Variants in CRY1 observed in about 807,000 individuals in gnomAD.
CRY1 encodes the protein cryptochrome circadian regulator 1, also known as cryptochrome-1.
In CRY1, 45 loss-of-function variants were observed where a neutral mutation model predicts 76.0. The observed-to-expected ratio is 0.59, with a 90% confidence interval of 0.47 to 0.76. The LOEUF is 0.76. CRY1 is among the 30% of genes least tolerant of loss of function. The probability of loss-of-function intolerance (pLI) is 0.00; values close to 1 mark genes in which losing one functional copy is unlikely to be tolerated. For synonymous variants in CRY1, 248 were observed against 244.0 expected, an observed-to-expected ratio of 1.02 and a Z score of -0.15; for missense variants, 587 against 716.4, an observed-to-expected ratio of 0.82 and a Z score of 2.06.
In CRY1 at chr12:106,991,766, T is replaced by G. The variant is rs1260958250; in HGVS notation, c.*236A>C. The G allele has an allele frequency of 6.6e-6, 1 of 152,610 alleles. No homozygotes were observed. Among genetic ancestry groups the G allele is most frequent in the Non-Finnish European group, 1.5e-5 (1 of 68,004 alleles). 9.5% of individuals were successfully genotyped at this position (152,610 alleles called of 1,614,324 possible). On this transcript the variant is annotated 3_prime_UTR_variant, in exon 13 of 13. Coordinates refer to ENST00000008527, the MANE Select transcript of CRY1 (RefSeq NM_004075.5). The stretch of plus-strand genomic sequence containing the variant: ...TATATCGATGGGTCTATACTAATTG[T>G]GACTGTTTATATTTACATTAAGCAA...
intron 2 of CRY1, among the ~76,000 whole-genome samples, chr12:107,015,207 G>A (rs189271982): frequency 3.6e-4 from 55 of 152,118 alleles, no homozygotes; most frequent in African/African-American, 1.3e-3. Context: ...ATTCTCTAAC[G>A]GGTTCAAACA....
rs1478932656 is a variant in CRY1 at position 107,036,179 on chromosome 12, AAG to A, written c.159-13989_159-13988del. Among the ~76,000 whole-genome samples, 4 of 152,196 alleles carry A rather than the reference AAG, an allele frequency of 2.6e-5. No individual in the cohort carries two copies. The South Asian group carries it at 6.2e-4, about 24-fold the overall frequency. Reference sequence around the variant, plus strand: ...TTCCTCACACAATTCATTGGCCAGAAAGAGTCACACGGCCTCGCCAGACTGCA... The same window carrying A: ...TTCCTCACACAATTCATTGGCCAGAAAGTCACACGGCCTCGCCAGACTGCA... On this transcript the variant is annotated intron_variant, in intron 1 of 12. Coordinates refer to ENST00000008527, the MANE Select transcript of CRY1 (RefSeq NM_004075.5).
intron 1 of CRY1, among the ~76,000 whole-genome samples, chr12:107,028,766 T>TTAC (rs1278660741): frequency 3.9e-5 from 6 of 152,192 alleles, no homozygotes; most frequent in African/African-American, 1.4e-4. Context: ...CACAGTTGTG[T>TTAC]TACTGGCGAC....
At chr12:107,018,512 G>A (rs1411376980) in intron 2 of CRY1, among the ~76,000 whole-genome samples, 1 of 152,104 alleles carries the variant, frequency 6.6e-6, no homozygotes, top group Non-Finnish European at 1.5e-5. Context: ...GCTTGAGCCT[G>A]GAAGGCAAAT....
chr12:106,993,177 A>G (rs1022361433), intron 10 of CRY1, 141 bp from the exon 11 acceptor site: 6 of 787,480 alleles, frequency 7.6e-6, no homozygotes, highest in Non-Finnish European at 1.2e-5. Flanking sequence ...TCTTCCTATG[A>G]ACCAAAAATC....
At chr12:107,092,656 A>AT in intron 1 of CRY1, 148 bp downstream of exon 1, 1 of 1,162,316 alleles carries the variant, frequency 8.6e-7, no homozygotes. Context: ...AGTCAATTCT[A>AT]TTTAATACTT....
At chr12:107,024,875 T>C (rs1030850219) in intron 1 of CRY1, among the ~76,000 whole-genome samples, 1 of 151,968 alleles carries the variant, frequency 6.6e-6, no homozygotes, top group Non-Finnish European at 1.5e-5. Context: ...ACATAAAAGC[T>C]GCACAGATTT....
intron 1 of CRY1, among the ~76,000 whole-genome samples, chr12:107,081,813 T>C (rs962700896): frequency 6.6e-5 from 10 of 152,042 alleles, no homozygotes; most frequent in African/African-American, 1.9e-4. Flanking sequence ...TATTTGGTCA[T>C]ATGCATTGTA....
chr12:107,070,146 A>G (rs1228679925), intron 1 of CRY1, among the ~76,000 whole-genome samples: 1 of 152,218 alleles, frequency 6.6e-6, no homozygotes, highest in Non-Finnish European at 1.5e-5. Flanking sequence ...TACACTCCAA[A>G]CAAATACTTA....
rs771583879 is a variant in CRY1, at chr12:106,997,502, C to A, written c.1478G>T (p.Arg493Leu). The A allele has an allele frequency of 1.2e-6, 2 of 1,613,782 alleles. No individual in the cohort carries two copies. The highest frequency in any genetic ancestry group is 1.3e-5 in the African/African-American group (1 of 74,918). ...TCTTAACATACCTAGTCCTCTATATCGTGAAAGCTGCTGATAGATCTGTTT... is the reference window on the plus strand; with the variant it reads ...TCTTAACATACCTAGTCCTCTATATAGTGAAAGCTGCTGATAGATCTGTTT... ...RMKQIYQQLSRYRGLGLLASV... is the reference protein window; with the variant it reads ...RMKQIYQQLSLYRGLGLLASV... The change falls in exon 9 of 13, where the codon CGA (arginine) becomes CTA (leucine). Residue 493 changes from arginine (R) to leucine (L), a missense_variant. Arg to Leu is a moderately radical substitution (Grantham distance 102, BLOSUM62 -2). Transcript: ENST00000008527.
intron 1 of CRY1, among the ~76,000 whole-genome samples, chr12:107,061,289 T>C (rs961907200): frequency 1.3e-5 from 2 of 152,088 alleles, no homozygotes; most frequent in Non-Finnish European, 2.9e-5. Flanking sequence ...CTATAAGCAC[T>C]CAGAAGTTAA....
Position 107,012,049 on chromosome 12 carries a change from G to A in CRY1, c.268-6801C>T, listed in dbSNP as rs145028292. Among the ~76,000 whole-genome samples, 805 of 152,272 alleles carry A rather than the reference G, an allele frequency of 5.3e-3. 4 individuals carry two copies. The highest frequency in any genetic ancestry group is 8.6e-3 in the Non-Finnish European group (583 of 68,034). On this transcript the variant is annotated intron_variant, in intron 2 of 12. Transcript: ENST00000008527. The stretch of plus-strand genomic sequence containing the variant: ...TACTAAAAATACAAAATTTAGCCGG[G>A]CATGGTGGTGCACGCCTGCAGTCCA...
intron 1 of CRY1, among the ~76,000 whole-genome samples, chr12:107,047,993 A>G (rs1323201640): frequency 2.0e-5 from 3 of 152,224 alleles, no homozygotes; most frequent in Non-Finnish European, 4.4e-5. Context: ...AAAATTGACA[A>G]ACCAATAGGT....
intron 2 of CRY1, 32 bp from the exon 3 acceptor site, chr12:107,005,280 C>T: frequency 1.9e-6 from 3 of 1,553,158 alleles, no homozygotes; most frequent in Non-Finnish European, 1.7e-6. Flanking sequence ...CAATGTACAC[C>T]AATTGTAATA....
At chr12:107,048,801 A>G (rs1952879888) in intron 1 of CRY1, among the ~76,000 whole-genome samples, 2 of 152,214 alleles carry the variant, frequency 1.3e-5, no homozygotes. Flanking sequence ...TCCCTATTGT[A>G]TTCAATTTTT....
At chr12:107,068,673 A>G (rs1368402731) in intron 1 of CRY1, among the ~76,000 whole-genome samples, 1 of 152,164 alleles carries the variant, frequency 6.6e-6, no homozygotes, top group African/African-American at 2.4e-5. Flanking sequence ...TATCACCTCT[A>G]TCTAGTTCCA....
rs1341383665 is a variant in CRY1, at chr12:106,997,346, TC to T, written c.1532del (p.Gly511GlufsTer40). 9 of 1,614,026 alleles carry T rather than the reference TC, an allele frequency of 5.6e-6. No homozygotes were observed. Among genetic ancestry groups the T allele is most frequent in the Non-Finnish European group, 7.6e-6 (9 of 1,179,952 alleles). ...TTTCTGCAGAATATCCCATGAAGCC[TC>T]CATTCCCATTAGGATTAGAAGGTAC... ...ASVPSNPNGN[G>X]GFMGYSAENI... On this transcript the variant is annotated frameshift_variant, in exon 10 of 13. Transcript: ENST00000008527. LOFTEE classifies it high-confidence loss of function.
At position 106,997,667 on chromosome 12, in the gene CRY1, C is replaced by T. The variant is rs1279225991; in HGVS notation, c.1313G>A (p.Gly438Asp). ...YIRRYLPVLRGFPAKYIYDPW... is the reference protein window; with the variant it reads ...YIRRYLPVLRDFPAKYIYDPW... ...ATCATAGATATATTTTGCAGGGAAG[C>T]CTCTTAGGACAGGCAAATAACGCCT... Residue 438 changes from glycine (G) to aspartate (D), a missense_variant, in exon 9 of 13, where the codon GGC becomes GAC. By Grantham distance (94) the Gly-to-Asp change is moderately conservative. Transcript: ENST00000008527. The T allele has an allele frequency of 1.5e-5, 25 of 1,613,858 alleles. No individual in the cohort carries two copies. Among genetic ancestry groups the T allele is most frequent in the Non-Finnish European group, 1.9e-5 (23 of 1,179,968 alleles).
At chr12:107,092,694 A>T in intron 1 of CRY1, 110 bp downstream of exon 1, 1 of 1,486,266 alleles carries the variant, frequency 6.7e-7, no homozygotes, top group Non-Finnish European at 9.2e-7. Flanking sequence ...TAAGCGGTAT[A>T]AGCAAGACAG....
Sources: allele counts gnomAD v4.1 joint callset (sites outside exome capture counted in the v4.1 genomes callset), GRCh38; gene constraint gnomAD v4.1.1; transcripts MANE v1.5; gene names NCBI Gene and HGNC (gene_info 2026-07-23, HGNC 2026-07-21).